Variants in ATP9A observed in about 807,000 individuals in gnomAD.
The protein encoded by ATP9A is ATPase phospholipid transporting 9A.
In ATP9A, 52 loss-of-function variants were observed where a neutral mutation model predicts 144.1. The observed-to-expected ratio is 0.36, with a 90% CI of 0.29 to 0.45. The LOEUF is 0.45. Ranked by LOEUF, ATP9A falls within the 20% of genes least tolerant of loss-of-function variation. The probability of loss-of-function intolerance (pLI) is 1.00; values close to 1 mark genes in which losing one functional copy is unlikely to be tolerated. For synonymous variants in ATP9A, 582 were observed against 557.4 expected (o/e 1.04, Z -0.62); for missense variants, 947 against 1,392.7 (o/e 0.68, Z 5.09).
intron 19 of ATP9A, among the ~76,000 whole-genome samples, chr20:51,619,888 A>AAAG (rs2077219506): frequency 6.6e-6 from 1 of 151,342 alleles, no homozygotes; most frequent in African/African-American, 2.4e-5. Context: ...AAAAAAAAAA[A>AAAG]GCCTGTACTT....
chr20:51,737,798 G>A (rs934019156), intron 1 of ATP9A, among the ~76,000 whole-genome samples: 2 of 152,116 alleles, frequency 1.3e-5, no homozygotes, highest in South Asian at 2.1e-4. Flanking sequence ...TATGCTTCAA[G>A]GACTCATACT....
At chr20:51,687,832 C>T (rs1405599434) in intron 9 of ATP9A, among the ~76,000 whole-genome samples, 18 of 151,098 alleles carry the variant, frequency 1.2e-4, no homozygotes, top group South Asian at 2.1e-4. Flanking sequence ...CAGAGTAAAA[C>T]GGCTTGATGG....
Position 51,768,349 on chromosome 20 carries a change from C to T in ATP9A, c.21G>A (p.Leu7=). 7.7e-7 allele frequency: 1 copy of T among 1,302,820 alleles called. No homozygotes were observed. The highest frequency in any genetic ancestry group is 9.8e-7 in the Non-Finnish European group (1 of 1,015,334). 80.7% of individuals were successfully genotyped at this position (1,302,820 alleles called of 1,614,324 possible). The change falls in exon 1 of 28, where the codon CTG becomes CTA. Residue 7 remains leucine (L), a synonymous_variant. Transcript: ENST00000338821. The part of the protein sequence containing the change: MTDNIP[L]QPVRQKKRMD... ...TCCGCTTCTTCTGGCGCACCGGCTG[C>T]AGCGGGATGTTGTCCGTCATGTCGG...
intron 3 of ATP9A, among the ~76,000 whole-genome samples, chr20:51,724,092 A>C (rs763238233): frequency 1.3e-5 from 2 of 151,942 alleles, no homozygotes; most frequent in Admixed American, 6.6e-5. Flanking sequence ...AATCGCTTGG[A>C]CCCAGGAGGC....
intron 19 of ATP9A, among the ~76,000 whole-genome samples, chr20:51,619,576 A>AAAGG (rs1491505929): frequency 1.2e-5 from 1 of 86,624 alleles, no homozygotes; most frequent in Non-Finnish European, 2.3e-5. Context: ...AAAAAAAAAA[A>AAAGG]GGGGGGGGGG....
At chr20:51,738,519 C>T (rs1401910447) in intron 1 of ATP9A, among the ~76,000 whole-genome samples, 1 of 149,520 alleles carries the variant, frequency 6.7e-6, no homozygotes, top group Admixed American at 6.7e-5. Flanking sequence ...GCCTTGCCAA[C>T]GTGGTGAAAC....
intron 14 of ATP9A, among the ~76,000 whole-genome samples, chr20:51,644,987 G>A (rs1019791991): frequency 1.6e-4 from 24 of 152,242 alleles, no homozygotes; most frequent in East Asian, 9.6e-4. Flanking sequence ...CAGCAGAATC[G>A]GCCAGCCCAG....
chr20:51,644,452 T>C (rs1234320842), intron 14 of ATP9A, among the ~76,000 whole-genome samples: 2 of 151,448 alleles, frequency 1.3e-5, no homozygotes, highest in Non-Finnish European at 2.9e-5. Context: ...TTTGTATTTT[T>C]AGTAGAGATG....
intron 7 of ATP9A, among the ~76,000 whole-genome samples, chr20:51,691,829 A>C (rs1453531023): frequency 1.3e-5 from 2 of 152,238 alleles, no homozygotes; most frequent in Non-Finnish European, 1.5e-5. Context: ...AATAGCCAGG[A>C]AGTGGAAGCA....
intron 5 of ATP9A, among the ~76,000 whole-genome samples, 189 bp downstream of exon 5, chr20:51,697,235 T>TTGTGTGTGTGTGTGTC (rs1274804199): frequency 7.2e-6 from 1 of 139,670 alleles, no homozygotes; most frequent in Non-Finnish European, 1.6e-5. Flanking sequence ...GAAAAAATAT[T>TTGTGTGTGTGTGTGTC]TGTGTGTGTG....
At chr20:51,696,357 T>C (rs2077570770) in intron 5 of ATP9A, among the ~76,000 whole-genome samples, 1 of 152,248 alleles carries the variant, frequency 6.6e-6, no homozygotes. Flanking sequence ...CTGCTGCTAC[T>C]TTACTAATCC....
intron 9 of ATP9A, among the ~76,000 whole-genome samples, chr20:51,676,579 A>C (rs2077478215): frequency 6.6e-6 from 1 of 152,196 alleles, no homozygotes; most frequent in Admixed American, 6.5e-5. Flanking sequence ...CCTGGGTTCA[A>C]GCAATTATCC....
At chr20:51,691,563 C>T (rs932038061) in intron 7 of ATP9A, among the ~76,000 whole-genome samples, 1 of 152,154 alleles carries the variant, frequency 6.6e-6, no homozygotes, top group Non-Finnish European at 1.5e-5. Context: ...AGAACGCCTC[C>T]CACCCGTAAG....
intron 13 of ATP9A, among the ~76,000 whole-genome samples, chr20:51,658,187 C>T (rs973696005): frequency 2.0e-5 from 3 of 152,110 alleles, no homozygotes; most frequent in Non-Finnish European, 4.4e-5. Context: ...TGGCCGGGCA[C>T]GGTGGCTCAC....
intron 1 of ATP9A, among the ~76,000 whole-genome samples, chr20:51,751,460 CTA>C (rs1374669702): frequency 6.6e-6 from 1 of 151,944 alleles, no homozygotes; most frequent in African/African-American, 2.4e-5. Flanking sequence ...TGGAGTCTCC[CTA>C]TGTTGCCCAG....
At chr20:51,681,314 C>T (rs542128133) in intron 9 of ATP9A, among the ~76,000 whole-genome samples, 1 of 152,342 alleles carries the variant, frequency 6.6e-6, no homozygotes, top group South Asian at 2.1e-4. Context: ...ATTGCTCCTT[C>T]CACCTCAGAT....
chr20:51,744,895 C>T (rs1299343961), intron 1 of ATP9A, among the ~76,000 whole-genome samples: 1 of 152,126 alleles, frequency 6.6e-6, no homozygotes, highest in Non-Finnish European at 1.5e-5. Flanking sequence ...TTTGGGAGGC[C>T]GAGGCGGGAG....
chr20:51,622,326 G>A (rs572964930), intron 18 of ATP9A, among the ~76,000 whole-genome samples, 154 bp from the exon 19 acceptor site: 5 of 152,288 alleles, frequency 3.3e-5, no homozygotes, highest in South Asian at 2.1e-4. Flanking sequence ...CACAGCAAGC[G>A]CCCTGGCTGA....
chr20:51,738,793 T>C (rs912072723), intron 1 of ATP9A, among the ~76,000 whole-genome samples: 1 of 151,904 alleles, frequency 6.6e-6, no homozygotes, highest in African/African-American at 2.4e-5. Context: ...TAGAGAATGC[T>C]GGAGGGAGGC....
Sources: gnomAD v4.1 joint callset for allele counts (sites outside exome capture counted in the v4.1 genomes callset) on GRCh38, gnomAD v4.1.1 for gene constraint, MANE v1.5 for transcripts, NCBI Gene and HGNC (gene_info 2026-07-23, HGNC 2026-07-21) for gene names.